Variants in NAGPA observed in about 807,000 individuals in gnomAD.
NAGPA encodes the protein N-acetylglucosamine-1-phosphodiester alpha-N-acetylglucosaminidase, also known as alpha-N-acetylglucosaminyl phosphodiesterase.
A neutral mutation model predicts 48.5 loss-of-function variants in NAGPA; 56 were observed. That is an observed-to-expected ratio of 1.15 (90% CI 0.93 to 1.44). The LOEUF is 1.44. Ranked by LOEUF, NAGPA falls within the 40% of genes most tolerant of loss-of-function variation. NAGPA has a pLI of 0.00. For synonymous variants in NAGPA, 399 were observed against 315.5 expected (o/e 1.26, Z -2.81); for missense variants, 888 against 735.0 (o/e 1.21, Z -2.41).
At chr16:5,032,183 C>A (rs1454598668) in intron 2 of NAGPA, among the ~76,000 whole-genome samples, 1 of 152,134 alleles carries the variant, frequency 6.6e-6, no homozygotes, top group Non-Finnish European at 1.5e-5. Flanking sequence ...GCCCTCAATC[C>A]CCAGGCCATA....
chr16:5,030,922 A>G, intron 3 of NAGPA: 1 of 210,440 alleles, frequency 4.8e-6, no homozygotes, highest in Non-Finnish European at 9.4e-6. Flanking sequence ...GCCTTCCTTG[A>G]CCGCCCACTC....
chr16:5,028,802 A>C, intron 5 of NAGPA, 78 bp downstream of exon 5: 3 of 1,608,468 alleles, frequency 1.9e-6, no homozygotes, highest in Non-Finnish European at 2.5e-6. Context: ...CATAGCAGGC[A>C]CTCAATATTG....
In NAGPA at chr16:5,028,068, T is replaced by C. The variant is rs1488471506; in HGVS notation, c.1038A>G (p.Gln346=). The C allele has an allele frequency of 1.2e-5, 19 of 1,613,538 alleles. No individual in the cohort carries two copies. Among genetic ancestry groups the C allele is most frequent in the Admixed American group, 1.7e-5 (1 of 59,962 alleles). The change falls in exon 6 of 10, where the codon CAA becomes CAG. Residue 346 remains glutamine, a synonymous_variant. Coordinates refer to ENST00000312251, the MANE Select transcript of NAGPA (RefSeq NM_016256.4). ...GACCCCGCCAGAAGTGCCCGGTGCA[T>C]TGGCAGTGCCCGTCCACGCAGGTCC... is the stretch of plus-strand genomic sequence containing the variant. The part of the protein sequence containing the change: ...GHGTCVDGHC[Q]CTGHFWRGPG...
At chr16:5,032,802 T>G (rs1167110362) in intron 2 of NAGPA, among the ~76,000 whole-genome samples, 1 of 152,068 alleles carries the variant, frequency 6.6e-6, no homozygotes, top group Non-Finnish European at 1.5e-5. Context: ...TCCTTTGGAC[T>G]GAAACGCTCT....
At position 5,033,308 on chromosome 16, in the gene NAGPA, C is replaced by G. The variant is rs1956137885; in HGVS notation, c.507G>C (p.Gln169His). Residue 169 changes from glutamine to histidine, a missense_variant, in exon 2 of 10, where the codon CAG becomes CAC. Coordinates refer to ENST00000312251, the MANE Select transcript of NAGPA (RefSeq NM_016256.4). The surrounding 1 kb of genome is among the most constrained non-coding windows in gnomAD (Gnocchi z 4.2). ...GGGTCCCGTCGCGGCGGATCCCGAA[C>G]TGCGCGTTCTGCAGCCCCCCGGAGC... ...VSSSGGLQNA[Q>H]FGIRRDGTLV... is the part of the protein sequence containing the mutation. The G allele has an allele frequency of 6.3e-7, 1 of 1,596,918 alleles. No individual in the cohort carries two copies.
rs747226768 is a variant in NAGPA, at chr16:5,029,913, G to A, written c.791+472C>T. 5 of 243,274 alleles carry A rather than the reference G, an allele frequency of 2.1e-5. No homozygotes were observed. In the South Asian group the frequency reaches 2.1e-4, roughly 10 times the overall value. The allele number at this position is 243,274 out of a possible 1,614,324, so 15.1% of individuals were successfully genotyped here. ...CACTCTGGCCTGGGCGACGGAGTAA[G>A]ACCCTGTCTCAAAGAAACAAACAAA... On this transcript the variant is annotated intron_variant, in intron 4 of 9. Transcript: ENST00000312251.
chr16:5,026,345 A>G (rs1470217697), intron 9 of NAGPA, among the ~76,000 whole-genome samples: 1 of 149,124 alleles, frequency 6.7e-6, no homozygotes, highest in Non-Finnish European at 1.5e-5. Flanking sequence ...CAGGAGTTCA[A>G]GACCAGCCTG....
rs1004272932 is a variant in NAGPA, at chr16:5,033,135, G to A, written c.542+138C>T. On this transcript the variant is annotated intron_variant, in intron 2 of 9. Coordinates refer to ENST00000312251, the MANE Select transcript of NAGPA (RefSeq NM_016256.4). The surrounding 1 kb of genome is among the most constrained non-coding windows in gnomAD (Gnocchi z 4.2). ...CTGGATGATGAATAAACTCTGCAAG[G>A]AAGCGATTCCTATCCCCATTCTGCA... The A allele has an allele frequency of 9.8e-7, 1 of 1,015,322 alleles. No individual in the cohort carries two copies. Among genetic ancestry groups the A allele is most frequent in the Non-Finnish European group, 1.5e-6 (1 of 685,300 alleles). 62.9% of individuals were successfully genotyped at this position (1,015,322 alleles called of 1,614,324 possible).
At chr16:5,025,736 G>A (rs778646886) in intron 9 of NAGPA, 51 bp from the exon 10 acceptor site, 1 of 1,542,042 alleles carries the variant, frequency 6.5e-7, no homozygotes, top group Non-Finnish European at 8.8e-7. Flanking sequence ...TGGGCTCAGG[G>A]CTTGGGTAGC....
intron 2 of NAGPA, among the ~76,000 whole-genome samples, chr16:5,032,459 C>G (rs188467709): frequency 5.9e-5 from 9 of 151,382 alleles, no homozygotes; most frequent in Non-Finnish European, 5.9e-5. Context: ...AGTTCGAGAC[C>G]GGCCAGGCCA....
At position 5,027,386 on chromosome 16, in the gene NAGPA, A is replaced by G; in HGVS notation, c.1175-7T>C. On this transcript the variant is annotated splice_region_variant and splice_polypyrimidine_tract_variant and intron_variant, in intron 7 of 9. Transcript: ENST00000312251. Reference sequence around the variant, plus strand: ...TGCCAGCCAAGGGGACACTCTATGGAAAGGAGATGGGAGGAGGGAGGAGGG... The same window carrying G: ...TGCCAGCCAAGGGGACACTCTATGGGAAGGAGATGGGAGGAGGGAGGAGGG... The G allele has an allele frequency of 6.3e-7, 1 of 1,595,888 alleles. No individual in the cohort carries two copies. The highest frequency in any genetic ancestry group is 8.5e-7 in the Non-Finnish European group (1 of 1,171,388).
chr16:5,027,741 C>T (rs1956027535), intron 7 of NAGPA, 105 bp downstream of exon 7: 1 of 1,486,868 alleles, frequency 6.7e-7, no homozygotes, highest in Admixed American at 2.0e-5. Context: ...AGACAAGAGG[C>T]AAGCATTTCC....
In NAGPA at chr16:5,029,905, C is replaced by T. The variant is rs118177051; in HGVS notation, c.791+480G>A. 1.7e-3 allele frequency: 368 copies of T among 215,104 alleles called. 7 individuals are homozygous for T. The East Asian group carries it at 0.032, about 19-fold the overall frequency. The allele number at this position is 215,104 out of a possible 1,614,324, so 13.3% of individuals were successfully genotyped here. A position where few individuals can be genotyped will look rare whatever the true frequency, so the allele number is the denominator to read the frequency against. On this transcript the variant is annotated intron_variant, in intron 4 of 9. Transcript: ENST00000312251. Reference sequence around the variant, plus strand: ...CACCACTGCACTCTGGCCTGGGCGACGGAGTAAGACCCTGTCTCAAAGAAA... The same window carrying T: ...CACCACTGCACTCTGGCCTGGGCGATGGAGTAAGACCCTGTCTCAAAGAAA...
chr16:5,029,792 C>T (rs953173653), intron 4 of NAGPA: 6 of 160,500 alleles, frequency 3.7e-5, no homozygotes, highest in South Asian at 1.8e-4. Context: ...GGTGTGGTGG[C>T]GGGTGCCCGT....
At chr16:5,030,025 G>T in intron 4 of NAGPA, 1 of 414,104 alleles carries the variant, frequency 2.4e-6, no homozygotes, top group South Asian at 2.3e-5. Context: ...ACAGGGGCTA[G>T]AAATGAGGCT....
intron 2 of NAGPA, among the ~76,000 whole-genome samples, chr16:5,032,312 C>CA (rs922208722): frequency 1.8e-4 from 27 of 151,658 alleles, no homozygotes; most frequent in Non-Finnish European, 2.7e-4. Context: ...TCAACAAATA[C>CA]TTTTTTTTTG....
rs1158106358 is a variant in NAGPA, at chr16:5,025,272, C to T, written c.*206G>A. Reference sequence around the variant, plus strand: ...GAAGCAGGCAGCTGAGCCTCTCCAGCGAGCATGGTATTGCTAGGGTTGCAG... The same window carrying T: ...GAAGCAGGCAGCTGAGCCTCTCCAGTGAGCATGGTATTGCTAGGGTTGCAG... On this transcript the variant is annotated 3_prime_UTR_variant, in exon 10 of 10. Coordinates refer to ENST00000312251, the MANE Select transcript of NAGPA (RefSeq NM_016256.4). 12 of 643,904 alleles carry T rather than the reference C, an allele frequency of 1.9e-5. No homozygotes were observed. The highest frequency in any genetic ancestry group is 1.5e-4 in the South Asian group (8 of 54,088). 39.9% of individuals were successfully genotyped at this position (643,904 alleles called of 1,614,324 possible).
In NAGPA at chr16:5,033,177, C is replaced by T. The variant is rs1956133169; in HGVS notation, c.542+96G>A. 1 of 1,402,738 alleles carries T rather than the reference C, an allele frequency of 7.1e-7. No individual in the cohort carries two copies. The highest frequency in any genetic ancestry group is 9.7e-7 in the Non-Finnish European group (1 of 1,027,958). The allele number at this position is 1,402,738 out of a possible 1,614,324, so 86.9% of individuals were successfully genotyped here. ...CATTCTGCAGAGGAGGAAACAGGGG[C>T]TCAGCTTGGTTAAGTGACTTGAACA... On this transcript the variant is annotated intron_variant, in intron 2 of 9. Transcript: ENST00000312251. The surrounding 1 kb of genome is among the most constrained non-coding windows in gnomAD (Gnocchi z 4.2).
Position 5,027,703 on chromosome 16 carries a change from A to T in NAGPA, c.1174+143T>A, listed in dbSNP as rs1424031174. The stretch of plus-strand genomic sequence containing the variant: ...CGCAGCAGCCACAGGGGAGTCACAC[A>T]GTGATGTGCAGGTGAGGCCGGGGCA... On this transcript the variant is annotated intron_variant, in intron 7 of 9. Transcript: ENST00000312251. 3 of 1,253,838 alleles carry T rather than the reference A, an allele frequency of 2.4e-6. No individual in the cohort carries two copies. In the African/African-American group the frequency reaches 4.5e-5, roughly 19 times the overall value. The allele number at this position is 1,253,838 out of a possible 1,614,324, so 77.7% of individuals were successfully genotyped here.
Sources: allele counts gnomAD v4.1 joint callset (sites outside exome capture counted in the v4.1 genomes callset), GRCh38; gene constraint gnomAD v4.1.1; non-coding constraint Gnocchi (gnomAD v3.1); transcripts MANE v1.5; gene names NCBI Gene and HGNC (gene_info 2026-07-23, HGNC 2026-07-21).